Variants in GBE1 observed in about 807,000 individuals in gnomAD.
GBE1 encodes 1,4-alpha-glucan branching enzyme 1.
Under a neutral mutation model 88.8 loss-of-function variants are expected in GBE1, and 70 were observed. That is an observed-to-expected ratio of 0.79 (90% confidence interval 0.65 to 0.96). The LOEUF is 0.96. GBE1 is among the 40% of genes least tolerant of loss of function. GBE1 has a pLI of 0.00. For synonymous variants in GBE1, 284 were observed against 300.1 expected (o/e 0.95, Z 0.56); for missense variants, 872 against 871.0 (o/e 1.00, Z -0.01).
intron 2 of GBE1, among the ~76,000 whole-genome samples, chr3:81,687,541 G>C (rs754972770): frequency 2.8e-4 from 42 of 152,284 alleles, no homozygotes; most frequent in Admixed American, 6.5e-4. Flanking sequence ...TAAAATAACA[G>C]ATTCTGAGGA....
At chr3:81,675,177 G>A (rs182346424) in intron 2 of GBE1, among the ~76,000 whole-genome samples, 3 of 152,090 alleles carry the variant, frequency 2.0e-5, no homozygotes, top group East Asian at 1.9e-4. Context: ...ATGTGTTTGC[G>A]TGTTCTCTAC....
intron 9 of GBE1, among the ~76,000 whole-genome samples, chr3:81,588,709 T>C (rs1045615697): frequency 6.6e-6 from 1 of 152,168 alleles, no homozygotes; most frequent in East Asian, 1.9e-4. Flanking sequence ...TTCCTCATGA[T>C]TGCTTCCTTA....
At chr3:81,709,527 A>C (rs1327217384) in intron 1 of GBE1, among the ~76,000 whole-genome samples, 2 of 152,200 alleles carry the variant, frequency 1.3e-5, no homozygotes, top group Non-Finnish European at 2.9e-5. Context: ...CCAAAAAGGT[A>C]TAACGTTGGG....
chr3:81,708,534 TG>T lies in GBE1; in HGVS notation c.144-2922del, dbSNP rs78271666. 6.9e-4 allele frequency among the ~76,000 whole-genome samples: 105 copies of T among 152,242 alleles called. 2 individuals are homozygous for T. The East Asian group carries it at 0.019, about 28-fold the overall frequency. ...TATGATAGTCTATATGGATGGGATA[TG>T]GTTCAGGAGAAAAGACATTTTTAAA... is the stretch of plus-strand genomic sequence containing the variant. On this transcript the variant is annotated intron_variant, in intron 1 of 15. Transcript: ENST00000429644.
intron 1 of GBE1, among the ~76,000 whole-genome samples, chr3:81,718,018 A>C (rs1705965040): frequency 6.6e-6 from 1 of 151,542 alleles, no homozygotes. Flanking sequence ...CTTACTCTCT[A>C]ACCCAGGCTG....
At chr3:81,507,495 T>G (rs1277429310) in intron 14 of GBE1, among the ~76,000 whole-genome samples, 3 of 151,756 alleles carry the variant, frequency 2.0e-5, no homozygotes. Flanking sequence ...ACCTGGGAGG[T>G]GGAGCTTGCA....
chr3:81,755,458 T>C (rs1480770406), intron 1 of GBE1, among the ~76,000 whole-genome samples: 1 of 152,148 alleles, frequency 6.6e-6, no homozygotes, highest in Admixed American at 6.5e-5. Context: ...AATCCACCAA[T>C]GCTACTACTG....
At chr3:81,719,816 A>T (rs561478839) in intron 1 of GBE1, among the ~76,000 whole-genome samples, 58 of 152,252 alleles carry the variant, frequency 3.8e-4, no homozygotes, top group African/African-American at 1.3e-3. Context: ...TAATTTTTTT[A>T]CCTAAAACAA....
In GBE1 at chr3:81,646,518, C is replaced by T. The variant is rs1268244199; in HGVS notation, c.692-36G>A. 3 of 1,158,124 alleles carry T rather than the reference C, an allele frequency of 2.6e-6. No homozygotes were observed. The South Asian group carries it at 4.4e-5, about 17-fold the overall frequency. The allele number at this position is 1,158,124 out of a possible 1,614,324, so 71.7% of individuals were successfully genotyped here. A position where few individuals can be genotyped will look rare whatever the true frequency, so the allele number is the denominator to read the frequency against. On this transcript the variant is annotated intron_variant, in intron 5 of 15. Coordinates refer to ENST00000429644, the MANE Select transcript of GBE1 (RefSeq NM_000158.4). ...CAATGGTCAAATCTAAATTAAAAGC[C>T]ACATTTAAAAAAAAAGTAATGGGGA...
intron 3 of GBE1, among the ~76,000 whole-genome samples, chr3:81,668,447 A>T (rs1424554984): frequency 6.6e-6 from 1 of 152,238 alleles, no homozygotes; most frequent in Non-Finnish European, 1.5e-5. Context: ...AGGGTGAGCC[A>T]GTAATAAAAG....
chr3:81,640,961 A>C (rs1433473552), intron 7 of GBE1, among the ~76,000 whole-genome samples: 2 of 152,132 alleles, frequency 1.3e-5, no homozygotes, highest in Admixed American at 6.6e-5. Context: ...AACAATGTTA[A>C]GTTTGTCTCA....
rs185328260 is a variant in GBE1, at chr3:81,549,648, T to C, written c.1619-12553A>G. Among the ~76,000 whole-genome samples the C allele has an allele frequency of 9.2e-5, 14 of 151,586 alleles. No individual in the cohort carries two copies. In the East Asian group the frequency reaches 2.5e-3, roughly 27 times the overall value. ...GAGGAATTTATCCAACTCATAGATGTCTGAGGTTACAAACACAAGGCTGGG... is the reference window on the plus strand; with the variant it reads ...GAGGAATTTATCCAACTCATAGATGCCTGAGGTTACAAACACAAGGCTGGG... On this transcript the variant is annotated intron_variant, in intron 12 of 15. Coordinates refer to ENST00000429644, the MANE Select transcript of GBE1 (RefSeq NM_000158.4).
intron 3 of GBE1, among the ~76,000 whole-genome samples, chr3:81,665,840 G>A (rs374591517): frequency 1.3e-5 from 2 of 152,134 alleles, no homozygotes; most frequent in African/African-American, 2.4e-5. Flanking sequence ...TGAACATTTT[G>A]TTCTTCTAAG....
In GBE1 at chr3:81,652,368, G is replaced by C. The variant is rs185183333; in HGVS notation, c.430-2447C>G. Among the ~76,000 whole-genome samples, 31 of 152,308 alleles carry C rather than the reference G, an allele frequency of 2.0e-4. 1 individual carries two copies. The highest frequency in any genetic ancestry group is 1.2e-3 in the Admixed American group (19 of 15,300). On this transcript the variant is annotated intron_variant, in intron 3 of 15. Transcript: ENST00000429644. ...GTTAACTTCTAAGTTTGTAGGTAGGGTAAAATCAAATCACAGACTTGACAA... is the reference window on the plus strand; with the variant it reads ...GTTAACTTCTAAGTTTGTAGGTAGGCTAAAATCAAATCACAGACTTGACAA...
chr3:81,648,168 A>G (rs978636061), intron 5 of GBE1, among the ~76,000 whole-genome samples: 3 of 152,140 alleles, frequency 2.0e-5, no homozygotes, highest in African/African-American at 7.2e-5. Flanking sequence ...ACTCTCTAGC[A>G]GAAGCAGCAT....
intron 1 of GBE1, among the ~76,000 whole-genome samples, chr3:81,755,043 C>T (rs1706582981): frequency 6.6e-6 from 1 of 151,946 alleles, no homozygotes. Flanking sequence ...ACAGACAACC[C>T]ATAGAATAGG....
At chr3:81,654,452 TA>T (rs199851282) in intron 3 of GBE1, 1 of 152,168 alleles carries the variant, frequency 6.6e-6, no homozygotes, top group Non-Finnish European at 1.5e-5. Flanking sequence ...CAGTTTTATA[TA>T]AAAAATCGGA....
chr3:81,503,829 T>C (rs988663577), intron 14 of GBE1, among the ~76,000 whole-genome samples: 1 of 152,170 alleles, frequency 6.6e-6, no homozygotes, highest in African/African-American at 2.4e-5. Context: ...AAATTCTTCA[T>C]ATTGTTATAT....
intron 15 of GBE1, among the ~76,000 whole-genome samples, chr3:81,491,531 G>A (rs1227796699): frequency 6.6e-6 from 1 of 152,172 alleles, no homozygotes; most frequent in African/African-American, 2.4e-5. Flanking sequence ...TTATAAAATT[G>A]AGAAGTGATT....
Sources: allele counts gnomAD v4.1 joint callset (sites outside exome capture counted in the v4.1 genomes callset), GRCh38; gene constraint gnomAD v4.1.1; transcripts MANE v1.5; gene names NCBI Gene and HGNC (gene_info 2026-07-23, HGNC 2026-07-21).